The following DDX10 variants were observed in gnomAD, a reference collection of about 807,000 sequenced individuals.
DDX10 encodes DEAD-box helicase 10.
In DDX10, 74 loss-of-function variants were observed where a neutral mutation model predicts 104.3. The observed-to-expected ratio is 0.71, with a 90% CI of 0.59 to 0.86. The LOEUF (loss-of-function observed/expected upper bound fraction) is 0.86, where lower values mean the gene tolerates loss of function less well. Among genes scored for constraint, DDX10 ranks in the 40% least tolerant of loss-of-function variants. DDX10 has a pLI of 0.00. For missense variants in DDX10, 952 were observed against 1,040.0 expected, an observed-to-expected ratio of 0.92 and a Z score of 1.16; for synonymous variants, 351 against 353.4, an observed-to-expected ratio of 0.99 and a Z score of 0.08.
At chr11:108,734,256 T>G (rs1324975894) in intron 13 of DDX10, among the ~76,000 whole-genome samples, 3 of 152,158 alleles carry the variant, frequency 2.0e-5, no homozygotes, top group African/African-American at 7.2e-5. Context: ...GTACTCCGAA[T>G]TTTTGCTACC....
At chr11:108,706,056 C>G (rs1198311141) in intron 9 of DDX10, among the ~76,000 whole-genome samples, 1 of 151,934 alleles carries the variant, frequency 6.6e-6, no homozygotes, top group Non-Finnish European at 1.5e-5. Flanking sequence ...ACTGCAACCT[C>G]CATCTCCTGG....
At chr11:108,789,194 C>A (rs1448944652) in intron 13 of DDX10, among the ~76,000 whole-genome samples, 1 of 152,184 alleles carries the variant, frequency 6.6e-6, no homozygotes, top group African/African-American at 2.4e-5. Context: ...CTGTTCTTGT[C>A]ACACCTTCAA....
At chr11:108,742,079 G>A (rs763226979) in intron 13 of DDX10, among the ~76,000 whole-genome samples, 10 of 151,422 alleles carry the variant, frequency 6.6e-5, no homozygotes, top group South Asian at 4.2e-4. Context: ...GCCAAAAGTG[G>A]TGAAACCCTG....
chr11:108,884,966 C>T (rs1404029319), intron 16 of DDX10, among the ~76,000 whole-genome samples: 1 of 152,138 alleles, frequency 6.6e-6, no homozygotes, highest in Non-Finnish European at 1.5e-5. Flanking sequence ...GGTGGTCTTT[C>T]CATCATGATT....
chr11:108,918,140 C>A (rs573028835), intron 17 of DDX10, 122 bp downstream of exon 17: 3 of 964,510 alleles, frequency 3.1e-6, no homozygotes, highest in Non-Finnish European at 4.7e-6. Context: ...TTTTTGATAC[C>A]TTTACTTAGA....
At chr11:108,688,385 T>C (rs1053971347) in intron 6 of DDX10, among the ~76,000 whole-genome samples, 2 of 152,236 alleles carry the variant, frequency 1.3e-5, no homozygotes, top group African/African-American at 2.4e-5. Flanking sequence ...TTTACTTGCT[T>C]TCATCCATCC....
chr11:108,729,249 G>A (rs966836602), intron 13 of DDX10, among the ~76,000 whole-genome samples: 18 of 152,094 alleles, frequency 1.2e-4, no homozygotes, highest in African/African-American at 3.6e-4. Flanking sequence ...GTGACACTAC[G>A]TAATACCTCC....
intron 16 of DDX10, among the ~76,000 whole-genome samples, chr11:108,898,361 C>T (rs184538277): frequency 8.5e-5 from 13 of 152,144 alleles, no homozygotes; most frequent in Middle Eastern, 3.4e-3. Context: ...TTACATGTCT[C>T]GGAGTTCCCA....
chr11:108,895,089 G>A (rs377581514), intron 16 of DDX10, among the ~76,000 whole-genome samples: 4 of 152,050 alleles, frequency 2.6e-5, no homozygotes, highest in Non-Finnish European at 5.9e-5. Flanking sequence ...AATATCTGCT[G>A]TGATTTATAG....
intron 13 of DDX10, among the ~76,000 whole-genome samples, chr11:108,833,143 C>T (rs544680465): frequency 6.6e-6 from 1 of 152,308 alleles, no homozygotes; most frequent in Non-Finnish European, 1.5e-5. Flanking sequence ...GTGTTTAGCA[C>T]ATCACTGATG....
chr11:108,757,386 T>C (rs1315818613), intron 13 of DDX10, among the ~76,000 whole-genome samples: 1 of 152,082 alleles, frequency 6.6e-6, no homozygotes, highest in Non-Finnish European at 1.5e-5. Context: ...TTAACCATAT[T>C]TTTCTAGTTT....
rs758236801 is a variant in DDX10, at chr11:108,675,656, C to T, written c.308C>T (p.Ala103Val). 5.0e-6 allele frequency: 8 copies of T among 1,614,040 alleles called. No homozygotes were observed. The South Asian group carries it at 7.7e-5, about 16-fold the overall frequency. ...ATACAGAAGCAGACCATTGGATTGG[C>T]TTTGCAAGGTAAAGATGTACTTGGA... ...TEIQKQTIGL[A>V]LQGKDVLGAA... is the part of the protein sequence containing the mutation. Residue 103 changes from alanine (A) to valine (V), a missense_variant, in exon 3 of 18, where the codon GCT (alanine) becomes GTT (valine). Physicochemically the swap from Ala to Val is moderately conservative, Grantham distance 64. Coordinates refer to ENST00000322536, the MANE Select transcript of DDX10 (RefSeq NM_004398.4).
chr11:108,771,580 C>T (rs574060532), intron 13 of DDX10, among the ~76,000 whole-genome samples: 2 of 152,182 alleles, frequency 1.3e-5, no homozygotes, highest in African/African-American at 4.8e-5. Context: ...CTCCTGACCT[C>T]GTGATCCGTC....
chr11:108,917,372 T>C (rs1304068515), intron 16 of DDX10, among the ~76,000 whole-genome samples: 1 of 152,126 alleles, frequency 6.6e-6, no homozygotes, highest in African/African-American at 2.4e-5. Context: ...ACAGGATCAC[T>C]AAAACAATTT....
intron 13 of DDX10, among the ~76,000 whole-genome samples, chr11:108,735,553 G>A (rs1367696151): frequency 6.6e-6 from 1 of 152,038 alleles, no homozygotes; most frequent in Admixed American, 6.6e-5. Context: ...AACTTTAGAG[G>A]TTTTAAGCAT....
chr11:108,721,005 C>T (rs1278214991), intron 12 of DDX10, among the ~76,000 whole-genome samples: 1 of 151,816 alleles, frequency 6.6e-6, no homozygotes, highest in Non-Finnish European at 1.5e-5. Context: ...ATAGAAGCAC[C>T]TTTGAGATAA....
chr11:108,769,202 T>C (rs1344618558), intron 13 of DDX10, among the ~76,000 whole-genome samples: 1 of 152,080 alleles, frequency 6.6e-6, no homozygotes, highest in African/African-American at 2.4e-5. Context: ...TTTTTTTTTT[T>C]CCCTTCACGA....
intron 13 of DDX10, among the ~76,000 whole-genome samples, chr11:108,744,052 A>G (rs1225478652): frequency 6.6e-6 from 1 of 152,198 alleles, no homozygotes; most frequent in East Asian, 1.9e-4. Flanking sequence ...TGTTCTTGCC[A>G]ACAGTGTACT....
At chr11:108,675,147 ATTTTC>A (rs2094222590) in intron 2 of DDX10, among the ~76,000 whole-genome samples, 1 of 150,510 alleles carries the variant, frequency 6.6e-6, no homozygotes, top group Non-Finnish European at 1.5e-5. Flanking sequence ...TATAACATAT[ATTTTC>A]TTTACTCATT....
Sources: gnomAD v4.1 joint callset for allele counts (sites outside exome capture counted in the v4.1 genomes callset) on GRCh38, gnomAD v4.1.1 for gene constraint, MANE v1.5 for transcripts, NCBI Gene and HGNC (gene_info 2026-07-23, HGNC 2026-07-21) for gene names.